The following WDR72 variants were observed in gnomAD, a reference collection of about 807,000 sequenced individuals.
WDR72 encodes WD repeat domain 72.
Under a neutral mutation model 124.2 loss-of-function variants are expected in WDR72, and 120 were observed. That is an observed-to-expected ratio of 0.97 (90% CI 0.83 to 1.12). The LOEUF (loss-of-function observed/expected upper bound fraction) is 1.12. WDR72 is among the 50% of genes most tolerant of loss of function. The pLI is 0.00. For synonymous variants in WDR72, 452 were observed against 441.7 expected (o/e 1.02, Z -0.29); for missense variants, 1,387 against 1,278.8 (o/e 1.08, Z -1.29).
intron 13 of WDR72, among the ~76,000 whole-genome samples, chr15:53,668,629 C>T (rs1045749096): frequency 6.6e-6 from 1 of 152,110 alleles, no homozygotes; most frequent in African/African-American, 2.4e-5. Context: ...GGTATAATAG[C>T]TCATCCCATC....
rs1891906800 is a variant in WDR72 at position 53,523,321 on chromosome 15, A to G, written c.3150T>C (p.Thr1050=). The change falls in exon 19 of 20, where the codon ACT becomes ACC. Residue 1050 remains threonine (T), a splice_region_variant and synonymous_variant. Transcript: ENST00000360509. ...QCVRNTLPLQ[T]PVSPVKHDSN... ...TGTCATGCTTGACCGGGCTGACTGGAGCTATTAAAAGAGAGAGAGAGAGAG... is the reference window on the plus strand; with the variant it reads ...TGTCATGCTTGACCGGGCTGACTGGGGCTATTAAAAGAGAGAGAGAGAGAG... The G allele has an allele frequency of 1.2e-6, 2 of 1,609,526 alleles. No individual in the cohort carries two copies. The highest frequency in any genetic ancestry group is 1.7e-6 in the Non-Finnish European group (2 of 1,178,510).
intron 1 of WDR72, 129 bp from the exon 2 acceptor site, chr15:53,733,290 G>C: frequency 1.0e-6 from 1 of 968,118 alleles, no homozygotes; most frequent in Non-Finnish European, 1.6e-6. Flanking sequence ...ATGGAAAAGG[G>C]TGTTTCCCCG....
At chr15:53,597,924 G>T (rs551864290) in intron 17 of WDR72, among the ~76,000 whole-genome samples, 3 of 152,134 alleles carry the variant, frequency 2.0e-5, no homozygotes, top group African/African-American at 7.2e-5. Flanking sequence ...GAAGAATCTG[G>T]GTCATGACAC....
At chr15:53,732,276 A>C (rs2018223857) in intron 2 of WDR72, among the ~76,000 whole-genome samples, 1 of 152,244 alleles carries the variant, frequency 6.6e-6, no homozygotes, top group African/African-American at 2.4e-5. Flanking sequence ...TTAAAGGCTA[A>C]AAATAGTCTT....
intron 1 of WDR72, among the ~76,000 whole-genome samples, chr15:53,748,589 A>C (rs1259368602): frequency 6.6e-6 from 1 of 151,946 alleles, no homozygotes; most frequent in Admixed American, 6.6e-5. Context: ...TCAAAACTCC[A>C]CCCTAACTGA....
intron 18 of WDR72, among the ~76,000 whole-genome samples, chr15:53,539,195 C>T (rs1264660123): frequency 6.6e-6 from 1 of 152,188 alleles, no homozygotes; most frequent in African/African-American, 2.4e-5. Flanking sequence ...CATGCAATAA[C>T]TTAAGAAATA....
intron 18 of WDR72, among the ~76,000 whole-genome samples, chr15:53,569,360 C>A (rs572302778): frequency 1.4e-4 from 22 of 151,738 alleles, no homozygotes; most frequent in African/African-American, 5.1e-4. Flanking sequence ...TGTGTATGCA[C>A]TGTAGGTACA....
chr15:53,701,559 T>TCTCTCTCTCACACACACACACACA (rs369568228), intron 12 of WDR72, among the ~76,000 whole-genome samples: 2 of 120,100 alleles, frequency 1.7e-5, no homozygotes, highest in African/African-American at 5.8e-5. Flanking sequence ...TCTCTCTCTC[T>TCTCTCTCTCACACACACACACACA]CACACACACA....
chr15:53,629,567 G>C (rs2014343688), intron 14 of WDR72, among the ~76,000 whole-genome samples: 1 of 152,018 alleles, frequency 6.6e-6, no homozygotes. Flanking sequence ...AAAAAATATA[G>C]CAGGGGCAGA....
upstream of WDR72, among the ~76,000 whole-genome samples, chr15:53,761,013 A>G (rs1413935602): frequency 6.6e-6 from 1 of 151,968 alleles, no homozygotes; most frequent in African/African-American, 2.4e-5. Flanking sequence ...AGTCGATGCT[A>G]CTCCAGAGAC....
intron 18 of WDR72, among the ~76,000 whole-genome samples, chr15:53,561,369 T>A (rs1894118856): frequency 6.6e-6 from 1 of 151,706 alleles, no homozygotes; most frequent in Admixed American, 6.6e-5. Flanking sequence ...ATCCCAAATA[T>A]AAATATATAA....
chr15:53,607,808 T>C (rs760684141), intron 17 of WDR72, among the ~76,000 whole-genome samples: 17 of 152,032 alleles, frequency 1.1e-4, no homozygotes, highest in Non-Finnish European at 2.5e-4. Context: ...AACAACTCTA[T>C]AGGAAAAATC....
intron 2 of WDR72, among the ~76,000 whole-genome samples, chr15:53,724,849 C>T (rs949162393): frequency 1.1e-4 from 17 of 152,164 alleles, no homozygotes; most frequent in African/African-American, 2.2e-4. Flanking sequence ...AATATAAAAA[C>T]GACTAAAATT....
chr15:53,586,719 T>A (rs1379513295), intron 18 of WDR72, among the ~76,000 whole-genome samples: 1 of 152,010 alleles, frequency 6.6e-6, no homozygotes, highest in Non-Finnish European at 1.5e-5. Flanking sequence ...AAGATGAAAG[T>A]GAATGAATAG....
chr15:53,727,226 T>TA (rs57976197), intron 2 of WDR72, among the ~76,000 whole-genome samples: 10,077 of 125,708 alleles, frequency 0.08, 549 homozygotes, highest in African/African-American at 0.14. Context: ...AGACTCTGTC[T>TA]AAAAAAAAAA....
intron 18 of WDR72, among the ~76,000 whole-genome samples, chr15:53,594,341 G>A (rs534657976): frequency 1.3e-5 from 2 of 151,168 alleles, no homozygotes; most frequent in Non-Finnish European, 2.9e-5. Flanking sequence ...AGGGACAGGA[G>A]CTCATAGAGG....
chr15:53,706,771 T>C (rs1459885840), intron 9 of WDR72, among the ~76,000 whole-genome samples: 1 of 152,048 alleles, frequency 6.6e-6, no homozygotes, highest in Non-Finnish European at 1.5e-5. Context: ...ATTTCTCAAG[T>C]GGCCACAAAG....
Position 53,616,161 on chromosome 15 carries a change from A to G in WDR72, c.2045T>C (p.Leu682Pro). ...TKWSNVGFHI[L>P]LFDLENLVEL... ...AACAAGGTTTTCCAGATCAAATAGA[A>G]GAATATGAAAGCCAACGTTACTCCA... Residue 682 changes from leucine (L) to proline (P), a missense_variant, in exon 15 of 20, where the codon CTT becomes CCT. By Grantham distance (98) the Leu-to-Pro change is moderately conservative. Transcript: ENST00000360509. 1 of 1,606,732 alleles carries G rather than the reference A, an allele frequency of 6.2e-7. No individual in the cohort carries two copies. The highest frequency in any genetic ancestry group is 1.1e-5 in the South Asian group (1 of 90,240).
At chr15:53,706,658 G>C (rs944366465) in intron 9 of WDR72, among the ~76,000 whole-genome samples, 1 of 151,424 alleles carries the variant, frequency 6.6e-6, no homozygotes, top group African/African-American at 2.4e-5. Flanking sequence ...AGTTCTAATT[G>C]TCAGTTAAAA....
Sources: allele counts gnomAD v4.1 joint callset (sites outside exome capture counted in the v4.1 genomes callset), GRCh38; gene constraint gnomAD v4.1.1; transcripts MANE v1.5; gene names NCBI Gene and HGNC (gene_info 2026-07-23, HGNC 2026-07-21).